Variants in CNTNAP2 observed in about 807,000 individuals in gnomAD.
The protein encoded by CNTNAP2 is contactin associated protein 2.
A neutral mutation model predicts 155.2 loss-of-function variants in CNTNAP2; 98 were observed. The observed-to-expected ratio is 0.63, with a 90% CI of 0.54 to 0.75. The LOEUF (loss-of-function observed/expected upper bound fraction) is 0.75, where lower values mean the gene tolerates loss of function less well. Ranked by LOEUF, CNTNAP2 falls within the 30% of genes least tolerant of loss-of-function variation. The probability of loss-of-function intolerance (pLI) is 0.00; values close to 1 mark genes in which losing one functional copy is unlikely to be tolerated. For missense variants in CNTNAP2, 1,727 were observed against 1,688.1 expected, an observed-to-expected ratio of 1.02 and a Z score of -0.40; for synonymous variants, 651 against 631.2, an observed-to-expected ratio of 1.03 and a Z score of -0.47.
At chr7:146,957,294 G>A (rs911120976) in intron 3 of CNTNAP2, among the ~76,000 whole-genome samples, 1 of 152,076 alleles carries the variant, frequency 6.6e-6, no homozygotes, top group African/African-American at 2.4e-5. Flanking sequence ...GTCCTAAAAT[G>A]TTAGGATAGC....
chr7:148,085,884 C>T (rs1302252281), intron 15 of CNTNAP2, among the ~76,000 whole-genome samples: 2 of 152,090 alleles, frequency 1.3e-5, no homozygotes, highest in East Asian at 1.9e-4. Context: ...GGCCTTATAA[C>T]CAATTAAATG....
At chr7:147,751,017 G>C (rs1797126184) in intron 13 of CNTNAP2, among the ~76,000 whole-genome samples, 1 of 151,742 alleles carries the variant, frequency 6.6e-6, no homozygotes, top group East Asian at 1.9e-4. Context: ...TCCAGCCCGG[G>C]GGACACAGCG....
chr7:147,330,586 A>T (rs1795541884), intron 9 of CNTNAP2, among the ~76,000 whole-genome samples: 1 of 152,220 alleles, frequency 6.6e-6, no homozygotes, highest in South Asian at 2.1e-4. Context: ...GGTAGTTAGT[A>T]TCCAAATTGT....
intron 13 of CNTNAP2, among the ~76,000 whole-genome samples, chr7:147,785,907 A>G (rs1445406801): frequency 6.6e-6 from 1 of 152,096 alleles, no homozygotes. Context: ...CAGGAGAATC[A>G]CCTGAACCCA....
At chr7:147,307,247 A>T (rs1795046998) in intron 9 of CNTNAP2, among the ~76,000 whole-genome samples, 1 of 152,176 alleles carries the variant, frequency 6.6e-6, no homozygotes, top group South Asian at 2.1e-4. Flanking sequence ...TAACATATAA[A>T]TGCTGGGCAA....
chr7:146,779,012 A>T (rs141996534), intron 2 of CNTNAP2, among the ~76,000 whole-genome samples: 1 of 152,320 alleles, frequency 6.6e-6, no homozygotes, highest in East Asian at 1.9e-4. Flanking sequence ...GGCTATGTGT[A>T]AACTAGAGAG....
intron 8 of CNTNAP2, among the ~76,000 whole-genome samples, chr7:147,244,823 C>G (rs552711645): frequency 3.9e-5 from 6 of 152,198 alleles, no homozygotes; most frequent in Admixed American, 3.9e-4. Flanking sequence ...AAATATAATG[C>G]AAAGAGATAG....
intron 8 of CNTNAP2, among the ~76,000 whole-genome samples, chr7:147,159,719 A>G (rs7789511): frequency 0.37 from 56,731 of 151,884 alleles, 11,501 homozygotes; most frequent in East Asian, 0.57. Flanking sequence ...ACCCAGGTGT[A>G]CAAATAAATT....
At chr7:146,493,467 G>T (rs576428219) in intron 1 of CNTNAP2, among the ~76,000 whole-genome samples, 1 of 152,242 alleles carries the variant, frequency 6.6e-6, no homozygotes, top group African/African-American at 2.4e-5. Flanking sequence ...TTGCATTTCT[G>T]TTGTTAAGGT....
intron 1 of CNTNAP2, among the ~76,000 whole-genome samples, chr7:146,656,674 T>C (rs1800000519): frequency 6.6e-6 from 1 of 152,162 alleles, no homozygotes; most frequent in Non-Finnish European, 1.5e-5. Context: ...TTGCCAAGAC[T>C]TTACCTCTCA....
At chr7:147,246,274 T>C (rs1231129558) in intron 8 of CNTNAP2, among the ~76,000 whole-genome samples, 2 of 152,038 alleles carry the variant, frequency 1.3e-5, no homozygotes, top group Non-Finnish European at 2.9e-5. Flanking sequence ...CTAAATATCC[T>C]CTTGCCTGGG....
chr7:146,461,494 C>T (rs972855774), intron 1 of CNTNAP2, among the ~76,000 whole-genome samples: 1 of 151,866 alleles, frequency 6.6e-6, no homozygotes, highest in Non-Finnish European at 1.5e-5. Context: ...ACAGTAATAA[C>T]TTTTAGTAGC....
chr7:146,559,733 T>A (rs1798252257), intron 1 of CNTNAP2, among the ~76,000 whole-genome samples: 1 of 152,186 alleles, frequency 6.6e-6, no homozygotes. Flanking sequence ...TTTGGATAGA[T>A]TTCAGCCCAT....
intron 1 of CNTNAP2, among the ~76,000 whole-genome samples, chr7:146,513,279 AT>A (rs1797494521): frequency 6.6e-6 from 1 of 151,872 alleles, no homozygotes; most frequent in Non-Finnish European, 1.5e-5. Context: ...TAATTGGAGA[AT>A]TTTCCATTTA....
chr7:146,392,307 A>AACG (rs1224515666), intron 1 of CNTNAP2, among the ~76,000 whole-genome samples: 6 of 152,176 alleles, frequency 3.9e-5, no homozygotes, highest in African/African-American at 1.4e-4. Context: ...CATAATGATC[A>AACG]ATGATGTAAT....
chr7:148,369,525 G>A (rs1316390032), intron 21 of CNTNAP2, among the ~76,000 whole-genome samples: 1 of 151,942 alleles, frequency 6.6e-6, no homozygotes, highest in East Asian at 1.9e-4. Context: ...ATGGCACCCA[G>A]CCTCTGTTAT....
intron 8 of CNTNAP2, among the ~76,000 whole-genome samples, chr7:147,152,128 A>T (rs1354785290): frequency 6.6e-6 from 1 of 152,168 alleles, no homozygotes; most frequent in Non-Finnish European, 1.5e-5. Flanking sequence ...AGCAGTTTAT[A>T]GCAAAGACAA....
intron 13 of CNTNAP2, among the ~76,000 whole-genome samples, chr7:147,737,492 G>T (rs573847897): frequency 6.6e-6 from 1 of 152,250 alleles, no homozygotes; most frequent in South Asian, 2.1e-4. Context: ...GAGGCAGTCT[G>T]TCCGTTCGCA....
At chr7:147,083,578 A>G (rs556142406) in intron 4 of CNTNAP2, among the ~76,000 whole-genome samples, 38 of 136,162 alleles carry the variant, frequency 2.8e-4, no homozygotes, top group Non-Finnish European at 4.2e-4. Flanking sequence ...ATATATATGT[A>G]TATATATATA....
Sources: allele counts gnomAD v4.1 joint callset (sites outside exome capture counted in the v4.1 genomes callset), GRCh38; gene constraint gnomAD v4.1.1; transcripts MANE v1.5; gene names NCBI Gene and HGNC (gene_info 2026-07-23, HGNC 2026-07-21).